PDS5B: variants seen among roughly 807,000 people sequenced by gnomAD.
PDS5B encodes PDS5 cohesin associated factor B.
PDS5B carries 51 observed loss-of-function variants against 184.1 expected under a neutral mutation model. The observed-to-expected ratio is 0.28, with a 90% CI of 0.22 to 0.35. The LOEUF (loss-of-function observed/expected upper bound fraction) is 0.35. Ranked by LOEUF, PDS5B falls within the 10% of genes least tolerant of loss-of-function variation. The probability of loss-of-function intolerance (pLI) is 1.00; values close to 1 mark genes in which losing one functional copy is unlikely to be tolerated. For missense variants in PDS5B, 1,180 were observed against 1,723.3 expected, an observed-to-expected ratio of 0.68 and a Z score of 5.58; for synonymous variants, 566 against 569.2, an observed-to-expected ratio of 0.99 and a Z score of 0.08.
At chr13:32,669,266 T>C (rs1217854632) in intron 7 of PDS5B, among the ~76,000 whole-genome samples, 7 of 152,056 alleles carry the variant, frequency 4.6e-5, no homozygotes, top group Admixed American at 4.6e-4. Flanking sequence ...TAAACTCATA[T>C]TGCCAAGCCA....
intron 19 of PDS5B, among the ~76,000 whole-genome samples, chr13:32,721,359 C>T (rs1374940417): frequency 1.3e-5 from 2 of 151,680 alleles, no homozygotes; most frequent in Non-Finnish European, 1.5e-5. Context: ...CTCCCCCCAC[C>T]TCCCAGACGG....
chr13:32,771,404 T>A (rs1345519206), intron 33 of PDS5B, among the ~76,000 whole-genome samples: 1 of 152,148 alleles, frequency 6.6e-6, no homozygotes, highest in African/African-American at 2.4e-5. Context: ...ACTGCTGTAA[T>A]TTGCAGATCT....
At chr13:32,667,727 A>G in intron 6 of PDS5B, 37 bp from the exon 7 acceptor site, 2 of 1,265,874 alleles carry the variant, frequency 1.6e-6, no homozygotes, top group Non-Finnish European at 2.2e-6. Context: ...TTTCATAGTT[A>G]GAGATATATA....
intron 1 of PDS5B, among the ~76,000 whole-genome samples, chr13:32,642,600 C>T (rs1427393492): frequency 6.6e-6 from 1 of 152,122 alleles, no homozygotes. Context: ...TCAAACCTCT[C>T]CTTACAATGC....
At chr13:32,600,162 T>C (rs1450677188) in intron 1 of PDS5B, among the ~76,000 whole-genome samples, 1 of 152,224 alleles carries the variant, frequency 6.6e-6, no homozygotes, top group African/African-American at 2.4e-5. Flanking sequence ...ATTGTGACCA[T>C]ATTTTTCTTT....
chr13:32,665,855 G>A (rs1950781153), intron 6 of PDS5B, among the ~76,000 whole-genome samples: 1 of 152,032 alleles, frequency 6.6e-6, no homozygotes, highest in Admixed American at 6.6e-5. Flanking sequence ...TGTCATTTGC[G>A]GCAGCATGGA....
intron 20 of PDS5B, among the ~76,000 whole-genome samples, chr13:32,733,985 AACACACACACAC>A (rs148714647): frequency 2.1e-5 from 3 of 141,972 alleles, no homozygotes; most frequent in Non-Finnish European, 4.5e-5. Flanking sequence ...CAAAAATTAA[AACACACACACAC>A]ACACACACAC....
chr13:32,621,307 T>TA (rs2058298201), intron 1 of PDS5B, among the ~76,000 whole-genome samples: 1 of 151,988 alleles, frequency 6.6e-6, no homozygotes, highest in Middle Eastern at 3.2e-3. Context: ...CTACAAAAAA[T>TA]AAAAAAATTG....
chr13:32,733,847 T>G (rs998394855), intron 20 of PDS5B, among the ~76,000 whole-genome samples: 12 of 152,248 alleles, frequency 7.9e-5, no homozygotes, highest in Non-Finnish European at 1.3e-4. Context: ...TTTCCAGAGA[T>G]ATTTTATTCA....
chr13:32,669,405 T>C (rs1476268225), intron 7 of PDS5B, among the ~76,000 whole-genome samples: 2 of 152,004 alleles, frequency 1.3e-5, no homozygotes, highest in African/African-American at 4.8e-5. Context: ...GGAAAATCAA[T>C]ATTTGATTGG....
At chr13:32,760,524 C>CT in intron 29 of PDS5B, 51 bp from the exon 30 acceptor site, 1 of 1,571,720 alleles carries the variant, frequency 6.4e-7, no homozygotes, top group Non-Finnish European at 8.7e-7. Flanking sequence ...TTACACGTAA[C>CT]TTTCTTTTGG....
chr13:32,673,489 C>G, intron 8 of PDS5B, 133 bp downstream of exon 8: 3 of 728,692 alleles, frequency 4.1e-6, no homozygotes, highest in Non-Finnish European at 6.4e-6. Flanking sequence ...TATTTCTTCA[C>G]GTATTTGTGC....
chr13:32,694,445 C>A, intron 14 of PDS5B, 141 bp downstream of exon 14: 1 of 641,500 alleles, frequency 1.6e-6, no homozygotes, highest in Non-Finnish European at 2.7e-6. Context: ...GTTTAGAAAA[C>A]TCTGAATTTT....
intron 5 of PDS5B, 35 bp from the exon 6 acceptor site, chr13:32,659,119 G>A (rs752205946): frequency 2.0e-6 from 3 of 1,493,368 alleles, no homozygotes; most frequent in East Asian, 4.7e-5. Flanking sequence ...GTATATCTCA[G>A]TTGTAATTGA....
chr13:32,692,414 C>CTTTTTTTTTTTTTTTTTTTTTTTTTTTT lies in PDS5B; in HGVS notation c.1470-1809_1470-1808insTTTTTTTTTTTTTTTTTTTTTTTTTTTT, dbSNP rs1593440334. Reference sequence around the variant, plus strand: ...ATTAAACAAGTTTGCGTCCAAAAAGCCTTTTTTTTTTTTTTTTTTTTTTTT... The same window carrying CTTTTTTTTTTTTTTTTTTTTTTTTTTTT: ...ATTAAACAAGTTTGCGTCCAAAAAGCTTTTTTTTTTTTTTTTTTTTTTTTTTTTCTTTTTTTTTTTTTTTTTTTTTTTT... On this transcript the variant is annotated intron_variant, in intron 13 of 34. Transcript: ENST00000315596. Among the ~76,000 whole-genome samples, 11 of 69,152 alleles carry CTTTTTTTTTTTTTTTTTTTTTTTTTTTT rather than the reference C, an allele frequency of 1.6e-4. 5 individuals are homozygous for CTTTTTTTTTTTTTTTTTTTTTTTTTTTT. Among genetic ancestry groups the CTTTTTTTTTTTTTTTTTTTTTTTTTTTT allele is most frequent in the Non-Finnish European group, 5.6e-5 (2 of 35,740 alleles). The allele number at this position is 69,152 out of a possible 152,430, so 45.4% of individuals were successfully genotyped here. A position where few individuals can be genotyped will look rare whatever the true frequency, so the allele number is the denominator to read the frequency against.
At chr13:32,635,215 T>TG (rs2058527069) in intron 1 of PDS5B, among the ~76,000 whole-genome samples, 4 of 87,844 alleles carry the variant, frequency 4.6e-5, no homozygotes, top group Non-Finnish European at 8.5e-5. Context: ...TTTTTTTTTT[T>TG]GTGGAGATGG....
chr13:32,751,822 T>C (rs887156938), intron 24 of PDS5B, among the ~76,000 whole-genome samples: 8 of 152,216 alleles, frequency 5.3e-5, no homozygotes, highest in Non-Finnish European at 8.8e-5. Context: ...ACTCTGTTGA[T>C]GGTTTGTTTC....
chr13:32,772,041 T>G (rs2141042779), intron 33 of PDS5B, among the ~76,000 whole-genome samples: 1 of 152,232 alleles, frequency 6.6e-6, no homozygotes. Context: ...GCTAGTATAC[T>G]AACATATGTT....
chr13:32,664,828 G>A (rs1244673164), intron 6 of PDS5B, among the ~76,000 whole-genome samples: 1 of 149,352 alleles, frequency 6.7e-6, no homozygotes, highest in Admixed American at 6.8e-5. Context: ...TCCAGCCTGG[G>A]TGACCAAGTG....
Sources: allele counts gnomAD v4.1 joint callset (sites outside exome capture counted in the v4.1 genomes callset), GRCh38; gene constraint gnomAD v4.1.1; transcripts MANE v1.5; gene names NCBI Gene and HGNC (gene_info 2026-07-23, HGNC 2026-07-21).